The following PHLPP1 variants were observed in gnomAD, a reference collection of about 807,000 sequenced individuals.
PHLPP1 encodes PH domain and leucine rich repeat protein phosphatase 1.
A neutral mutation model predicts 117.2 loss-of-function variants in PHLPP1; 42 were observed. The observed-to-expected ratio is 0.36, with a 90% CI of 0.28 to 0.46. The LOEUF (loss-of-function observed/expected upper bound fraction) is 0.46, where lower values mean the gene tolerates loss of function less well. PHLPP1 is among the 20% of genes least tolerant of loss of function. PHLPP1 has a pLI of 1.00. For synonymous variants in PHLPP1, 1,042 were observed against 970.7 expected (o/e 1.07, Z -1.37); for missense variants, 2,084 against 2,241.9 (o/e 0.93, Z 1.42).
intron 6 of PHLPP1, among the ~76,000 whole-genome samples, chr18:62,899,156 T>C (rs1262275890): frequency 6.6e-6 from 1 of 152,224 alleles, no homozygotes. Flanking sequence ...ATGTGAGCTG[T>C]GTATGGGTTG....
At chr18:62,805,352 A>G (rs112552802) in intron 1 of PHLPP1, among the ~76,000 whole-genome samples, 2,721 of 149,302 alleles carry the variant, frequency 0.018, 46 homozygotes, top group East Asian at 0.068. Context: ...CATATACAGT[A>G]TAATATACAC....
intron 1 of PHLPP1, among the ~76,000 whole-genome samples, chr18:62,810,818 G>A (rs1197209830): frequency 6.6e-6 from 1 of 152,124 alleles, no homozygotes. Context: ...AAATAAAAAC[G>A]TTGTAAAACC....
At chr18:62,822,188 A>G (rs897101214) in intron 1 of PHLPP1, among the ~76,000 whole-genome samples, 3 of 152,002 alleles carry the variant, frequency 2.0e-5, no homozygotes, top group Non-Finnish European at 2.9e-5. Context: ...TCTGATTTAG[A>G]AAAAAAAGAT....
At chr18:62,757,622 C>CTT (rs1912069097) in intron 1 of PHLPP1, among the ~76,000 whole-genome samples, 1 of 152,136 alleles carries the variant, frequency 6.6e-6, no homozygotes, top group East Asian at 1.9e-4. Flanking sequence ...GAGGTAGACT[C>CTT]TGTCTATTAT....
intron 1 of PHLPP1, among the ~76,000 whole-genome samples, chr18:62,764,324 A>C (rs1049524641): frequency 6.6e-6 from 1 of 152,076 alleles, no homozygotes; most frequent in Non-Finnish European, 1.5e-5. Context: ...AGCCCCATCC[A>C]CTTTGGGTTC....
chr18:62,879,709 G>A (rs901791742), intron 4 of PHLPP1, among the ~76,000 whole-genome samples: 1 of 152,142 alleles, frequency 6.6e-6, no homozygotes, highest in African/African-American at 2.4e-5. Context: ...TGCCCAGCTG[G>A]TATTCTGTTA....
chr18:62,951,058 C>T (rs512617), intron 12 of PHLPP1, among the ~76,000 whole-genome samples: 96,375 of 151,450 alleles, frequency 0.64, 32,859 homozygotes, highest in African/African-American at 0.9. Context: ...CTTTGTTCAC[C>T]GCAAGTTCCG....
At chr18:62,928,728 TAAC>T (rs1166603433) in intron 10 of PHLPP1, among the ~76,000 whole-genome samples, 1 of 152,210 alleles carries the variant, frequency 6.6e-6, no homozygotes, top group Non-Finnish European at 1.5e-5. Context: ...ACATTATTCA[TAAC>T]AACTGGAAAG....
chr18:62,860,776 AT>A lies in PHLPP1; in HGVS notation c.2066+183del, dbSNP rs577709486. On this transcript the variant is annotated intron_variant, in intron 4 of 16. Transcript: ENST00000262719. ...AGACATTACCAATTCTCAATCTGAAATTTTTTTTAAGGTTCTTGCTTTTGAA... is the reference window on the plus strand; with the variant it reads ...AGACATTACCAATTCTCAATCTGAAATTTTTTTAAGGTTCTTGCTTTTGAA... Among the ~76,000 whole-genome samples the A allele has an allele frequency of 2.2e-4, 34 of 152,204 alleles. No individual in the cohort carries two copies. The East Asian group carries it at 5.2e-3, about 23-fold the overall frequency.
At chr18:62,844,262 C>G (rs1340679936) in intron 3 of PHLPP1, among the ~76,000 whole-genome samples, 2 of 152,106 alleles carry the variant, frequency 1.3e-5, no homozygotes, top group African/African-American at 4.8e-5. Context: ...GCTTTTGAAC[C>G]CAGGAGGCGA....
chr18:62,804,838 T>C (rs976702663), intron 1 of PHLPP1, among the ~76,000 whole-genome samples: 1 of 148,672 alleles, frequency 6.7e-6, no homozygotes, highest in Non-Finnish European at 1.5e-5. Flanking sequence ...ATTATACATA[T>C]ACAGTATAAT....
chr18:62,887,421 A>G (rs1191778808), intron 4 of PHLPP1, among the ~76,000 whole-genome samples: 2 of 152,332 alleles, frequency 1.3e-5, no homozygotes, highest in Admixed American at 6.5e-5. Context: ...TGCTATATCA[A>G]TTTACCTTAG....
At chr18:62,868,943 TAA>T (rs1712253735) in intron 4 of PHLPP1, among the ~76,000 whole-genome samples, 1 of 152,196 alleles carries the variant, frequency 6.6e-6, no homozygotes, top group Non-Finnish European at 1.5e-5. Flanking sequence ...ATTTTGAATA[TAA>T]AAGTAAACCA....
intron 1 of PHLPP1, among the ~76,000 whole-genome samples, chr18:62,719,963 C>T (rs953503846): frequency 2.0e-5 from 3 of 152,120 alleles, no homozygotes; most frequent in Non-Finnish European, 1.5e-5. Context: ...CTTTAATGAG[C>T]GAGAAGGCCC....
intron 6 of PHLPP1, among the ~76,000 whole-genome samples, chr18:62,900,298 AAAT>A (rs1436419934): frequency 2.1e-5 from 3 of 143,206 alleles, no homozygotes; most frequent in Non-Finnish European, 3.0e-5. Flanking sequence ...CTTTGCCTTA[AAAT>A]AATAAATAAA....
At chr18:62,930,654 C>G (rs1257827478) in intron 10 of PHLPP1, among the ~76,000 whole-genome samples, 1 of 152,186 alleles carries the variant, frequency 6.6e-6, no homozygotes, top group Non-Finnish European at 1.5e-5. Flanking sequence ...AGGCAGAATA[C>G]TAATTCTGGA....
intron 4 of PHLPP1, chr18:62,889,459 AAC>A (rs1365366758): frequency 1.3e-5 from 2 of 152,228 alleles, no homozygotes; most frequent in South Asian, 2.1e-4. Context: ...ATGTCCTGGA[AAC>A]ACAGATTCCA....
intron 1 of PHLPP1, among the ~76,000 whole-genome samples, chr18:62,717,955 A>G (rs1647440397): frequency 6.6e-6 from 1 of 152,126 alleles, no homozygotes; most frequent in African/African-American, 2.4e-5. Flanking sequence ...GTCAGAACTG[A>G]CCACCGCAAT....
At position 62,766,076 on chromosome 18, in the gene PHLPP1, A is replaced by AAAAAATATATATATATAT; in HGVS notation, c.1576+48818_1576+48819insAAAATATATATATATATA. ...ACTCCATCTCAAAAAAAAAAAAAAA[A>AAAAAATATATATATATAT]ATATATATATATATATATATATATA... On this transcript the variant is annotated intron_variant, in intron 1 of 16. Coordinates refer to ENST00000262719, the MANE Select transcript of PHLPP1 (RefSeq NM_194449.4). 2.3e-4 allele frequency among the ~76,000 whole-genome samples: 5 copies of AAAAAATATATATATATAT among 21,658 alleles called. 1 individual carries two copies. Among genetic ancestry groups the AAAAAATATATATATATAT allele is most frequent in the African/African-American group, 4.5e-4 (3 of 6,722 alleles). The allele number at this position is 21,658 out of a possible 152,430, so 14.2% of individuals were successfully genotyped here. A position where few individuals can be genotyped will look rare whatever the true frequency, so the allele number is the denominator to read the frequency against.
Sources: gnomAD v4.1 joint callset for allele counts (sites outside exome capture counted in the v4.1 genomes callset) on GRCh38, gnomAD v4.1.1 for gene constraint, MANE v1.5 for transcripts, NCBI Gene and HGNC (gene_info 2026-07-23, HGNC 2026-07-21) for gene names.